HSD17B12: variants seen among roughly 807,000 people sequenced by gnomAD.
The protein encoded by HSD17B12 is very-long-chain 3-oxoacyl-CoA reductase.
Under a neutral mutation model 39.3 loss-of-function variants are expected in HSD17B12, and 32 were observed. That is an observed-to-expected ratio of 0.81 (90% CI 0.61 to 1.09). The LOEUF (loss-of-function observed/expected upper bound fraction) is 1.09. Among genes scored for constraint, HSD17B12 ranks in the 50% least tolerant of loss-of-function variants. The pLI, the probability that HSD17B12 is intolerant of heterozygous loss-of-function variation, is 0.00. For synonymous variants in HSD17B12, 150 were observed against 146.7 expected (o/e 1.02, Z -0.16); for missense variants, 342 against 382.9 (o/e 0.89, Z 0.89).
the HSD17B12 span, among the ~76,000 whole-genome samples, chr11:43,621,135 C>G: frequency 1.3e-5 from 2 of 152,208 alleles, no homozygotes; most frequent in Non-Finnish European, 2.9e-5. Flanking sequence ...CATGGGCCAA[C>G]CAGATGGAGT....
the HSD17B12 span, among the ~76,000 whole-genome samples, chr11:43,611,056 A>G: frequency 1.2e-4 from 19 of 152,144 alleles, no homozygotes; most frequent in Non-Finnish European, 2.5e-4. Context: ...TTAATTTTCT[A>G]TTATTTGCAT....
At chr11:43,806,378 A>G (rs1010603700) in intron 4 of HSD17B12, 2 of 152,220 alleles carry the variant, frequency 1.3e-5, no homozygotes, top group African/African-American at 2.4e-5. Flanking sequence ...TTGAAGAGAT[A>G]TCTGCACTCT....
chr11:43,691,155 C>T (rs1316711320), intron 1 of HSD17B12, among the ~76,000 whole-genome samples: 1 of 152,162 alleles, frequency 6.6e-6, no homozygotes, highest in Non-Finnish European at 1.5e-5. Context: ...AGCTCCAAAT[C>T]AGAGATGGCA....
At chr11:43,810,397 AT>A (rs1565097542) in intron 4 of HSD17B12, among the ~76,000 whole-genome samples, 12 of 80,504 alleles carry the variant, frequency 1.5e-4, no homozygotes, top group African/African-American at 6.9e-4. Flanking sequence ...ATATATATAT[AT>A]ATATAAAATT....
intron 3 of HSD17B12, among the ~76,000 whole-genome samples, chr11:43,763,992 T>G (rs953766579): frequency 1.3e-5 from 2 of 152,116 alleles, no homozygotes; most frequent in African/African-American, 4.8e-5. Context: ...GAAGAGTTAC[T>G]TAGTTTAAAT....
chr11:43,802,573 A>G (rs951865459), intron 4 of HSD17B12, among the ~76,000 whole-genome samples: 1 of 152,164 alleles, frequency 6.6e-6, no homozygotes, highest in Non-Finnish European at 1.5e-5. Context: ...TGAGGGAATT[A>G]TGAGTATAAT....
At chr11:43,609,875 T>A in the HSD17B12 span, among the ~76,000 whole-genome samples, 2 of 152,212 alleles carry the variant, frequency 1.3e-5, no homozygotes, top group African/African-American at 4.8e-5. Context: ...TTTGATGTGA[T>A]CCTCATTAGC....
chr11:43,766,216 C>T (rs76653525), intron 3 of HSD17B12, among the ~76,000 whole-genome samples: 133 of 152,134 alleles, frequency 8.7e-4, no homozygotes, highest in African/African-American at 2.9e-3. Flanking sequence ...GTTTTGTCTA[C>T]GAGTTCCTCA....
intron 3 of HSD17B12, among the ~76,000 whole-genome samples, chr11:43,797,978 T>A (rs1950929697): frequency 1.3e-5 from 2 of 152,200 alleles, no homozygotes; most frequent in Non-Finnish European, 2.9e-5. Context: ...GCCAGTGATA[T>A]TTAAAGAGTA....
At chr11:43,601,554 C>T in the HSD17B12 span, among the ~76,000 whole-genome samples, 556 of 149,868 alleles carry the variant, frequency 3.7e-3, 5 homozygotes, top group African/African-American at 0.013. Flanking sequence ...AAGAAGGACT[C>T]ACCTGAGAGC....
chr11:43,659,285 A>C, the HSD17B12 span, among the ~76,000 whole-genome samples: 2 of 151,906 alleles, frequency 1.3e-5, no homozygotes, highest in Non-Finnish European at 2.9e-5. Context: ...TCCAGTTGCC[A>C]TCTGTCACCC....
chr11:43,674,498 C>T, the HSD17B12 span, among the ~76,000 whole-genome samples: 3 of 152,086 alleles, frequency 2.0e-5, no homozygotes, highest in African/African-American at 7.2e-5. Context: ...TTTTAAATAA[C>T]GATTATTCTA....
chr11:43,812,777 A>G (rs1368390939), intron 4 of HSD17B12, among the ~76,000 whole-genome samples: 1 of 152,206 alleles, frequency 6.6e-6, no homozygotes, highest in Non-Finnish European at 1.5e-5. Context: ...CATTGTGTGA[A>G]TAAATAGCTT....
Position 43,734,863 on chromosome 11 carries a change from CTA to C in HSD17B12, c.161-16046_161-16045del, listed in dbSNP as rs545980610. On this transcript the variant is annotated intron_variant, in intron 1 of 10. Transcript: ENST00000278353. ...TCACACTGCTGTGCAACTTTCACCTCTATCTAGTTTCAAGGTATTTCTACCAC... is the reference window on the plus strand; with the variant it reads ...TCACACTGCTGTGCAACTTTCACCTCTCTAGTTTCAAGGTATTTCTACCAC... 1.2e-4 allele frequency among the ~76,000 whole-genome samples: 18 copies of C among 152,282 alleles called. No individual in the cohort carries two copies. The South Asian group carries it at 3.3e-3, about 28-fold the overall frequency.
intron 1 of HSD17B12, among the ~76,000 whole-genome samples, chr11:43,735,311 T>C (rs192844394): frequency 2.3e-4 from 35 of 152,322 alleles, no homozygotes; most frequent in Non-Finnish European, 4.4e-4. Flanking sequence ...CCAGGTCATA[T>C]GGTATTTCTG....
At chr11:43,769,079 A>C (rs1950625569) in intron 3 of HSD17B12, among the ~76,000 whole-genome samples, 1 of 152,222 alleles carries the variant, frequency 6.6e-6, no homozygotes, top group African/African-American at 2.4e-5. Context: ...AGCTAGGATT[A>C]CAGGGGCCTG....
chr11:43,801,595 GATATATATAT>G (rs55674379), intron 4 of HSD17B12, among the ~76,000 whole-genome samples: 1,370 of 72,702 alleles, frequency 0.019, 22 homozygotes, highest in African/African-American at 0.057. Context: ...GATAGTTGGA[GATATATATAT>G]ATATATATAT....
the HSD17B12 span, among the ~76,000 whole-genome samples, chr11:43,628,625 A>G: frequency 1.3e-5 from 2 of 152,062 alleles, no homozygotes; most frequent in Admixed American, 1.3e-4. Context: ...ACATTCATAT[A>G]CTTCTGGTTT....
intron 1 of HSD17B12, among the ~76,000 whole-genome samples, chr11:43,704,452 A>G (rs543602885): frequency 6.6e-6 from 1 of 152,334 alleles, no homozygotes; most frequent in East Asian, 1.9e-4. Flanking sequence ...ATTCTCATCT[A>G]CTGAATGGGA....
Sources: allele counts gnomAD v4.1 joint callset (sites outside exome capture counted in the v4.1 genomes callset), GRCh38; gene constraint gnomAD v4.1.1; transcripts MANE v1.5; gene names NCBI Gene and HGNC (gene_info 2026-07-23, HGNC 2026-07-21).